The following ZNF44 variants were observed in gnomAD, a reference collection of about 807,000 sequenced individuals.
ZNF44 encodes zinc finger protein 44.
A neutral mutation model predicts 11.7 loss-of-function variants in ZNF44; 9 were observed. The observed-to-expected ratio is 0.77, with a 90% CI of 0.46 to 1.35. ZNF44 has a LOEUF of 1.35. Ranked by LOEUF, ZNF44 falls within the 40% of genes most tolerant of loss-of-function variation. ZNF44 has a pLI of 0.00. For synonymous variants in ZNF44, 224 were observed against 242.7 expected, an observed-to-expected ratio of 0.92 and a Z score of 0.72; for missense variants, 696 against 743.1, an observed-to-expected ratio of 0.94 and a Z score of 0.74.
intron 1 of ZNF44, chr19:12,284,437 G>T (rs563880227): frequency 1.6e-6 from 1 of 634,600 alleles, no homozygotes. Flanking sequence ...AGTGGCATCC[G>T]GGGCCGGGGC....
chr19:12,257,679 T>TA (rs1917316409), intron 5 of ZNF44, among the ~76,000 whole-genome samples: 1 of 148,224 alleles, frequency 6.7e-6, no homozygotes, highest in African/African-American at 2.5e-5. Flanking sequence ...CAGGTGCCTG[T>TA]AATCCCAGCT....
At chr19:12,250,414 A>G (rs1916942765) in intron 5 of ZNF44, 1 of 1,304,832 alleles carries the variant, frequency 7.7e-7, no homozygotes, top group African/African-American at 1.5e-5. Flanking sequence ...TGAGACTGAC[A>G]GCACTGGACA....
At chr19:12,281,893 T>C (rs149403822) in intron 1 of ZNF44, among the ~76,000 whole-genome samples, 86 of 152,256 alleles carry the variant, frequency 5.6e-4, no homozygotes, top group African/African-American at 2.0e-3. Context: ...ATAATAAATG[T>C]CCCAGAAAAA....
At chr19:12,255,733 G>A (rs570526944) in intron 5 of ZNF44, among the ~76,000 whole-genome samples, 1 of 152,218 alleles carries the variant, frequency 6.6e-6, no homozygotes, top group South Asian at 2.1e-4. Context: ...GCCACAAGAA[G>A]GGGGTGCTAA....
At chr19:12,236,789 A>G (rs1916406642) in intron 1 of ZNF44, among the ~76,000 whole-genome samples, 1 of 152,230 alleles carries the variant, frequency 6.6e-6, no homozygotes, top group South Asian at 2.1e-4. Flanking sequence ...CACAAGGTAT[A>G]ACACTTCACG....
intron 5 of ZNF44, among the ~76,000 whole-genome samples, chr19:12,259,061 C>T (rs949090513): frequency 1.3e-5 from 2 of 151,254 alleles, no homozygotes; most frequent in Admixed American, 6.6e-5. Context: ...TTTTTGTAGA[C>T]ACAGGGTCCC....
downstream of ZNF44, among the ~76,000 whole-genome samples, chr19:12,269,308 A>C (rs1465163712): frequency 6.6e-6 from 1 of 152,248 alleles, no homozygotes; most frequent in Non-Finnish European, 1.5e-5. Context: ...ATGGATCACA[A>C]GGTCAGGAGA....
At chr19:12,283,207 G>A (rs570514043) in intron 1 of ZNF44, among the ~76,000 whole-genome samples, 1 of 152,216 alleles carries the variant, frequency 6.6e-6, no homozygotes, top group South Asian at 2.1e-4. Context: ...CAAATCCCTG[G>A]AGACACACCA....
chr19:12,252,843 AG>A (rs1415870523), intron 5 of ZNF44, among the ~76,000 whole-genome samples: 1 of 151,794 alleles, frequency 6.6e-6, no homozygotes, highest in Non-Finnish European at 1.5e-5. Context: ...GTAATCTACA[AG>A]TAAACTACCT....
At chr19:12,294,039 CCGCCGGCTT>C in intron 1 of ZNF44, among the ~76,000 whole-genome samples, 1 of 151,346 alleles carries the variant, frequency 6.6e-6, no homozygotes, top group South Asian at 2.1e-4. Flanking sequence ...CAGACGCTGA[CCGCCGGCTT>C]CCCCATTGGC....
chr19:12,243,628 G>A (rs1157248599), downstream of ZNF44, among the ~76,000 whole-genome samples: 2 of 152,116 alleles, frequency 1.3e-5, no homozygotes, highest in Admixed American at 6.6e-5. Context: ...GAACATATGC[G>A]AGTGGCAGAT....
At chr19:12,250,422 A>G (rs1916943204) in intron 5 of ZNF44, 11 of 1,284,720 alleles carry the variant, frequency 8.6e-6, no homozygotes, top group Non-Finnish European at 1.1e-5. Flanking sequence ...ACAGCACTGG[A>G]CATCTATACT....
chr19:12,243,293 G>A (rs1916680223), downstream of ZNF44, among the ~76,000 whole-genome samples: 2 of 152,268 alleles, frequency 1.3e-5, no homozygotes, highest in Admixed American at 6.5e-5. Context: ...TCTCCAGAAC[G>A]TGTTCACCTT....
chr19:12,239,545 C>G (rs553055572), upstream of ZNF44, among the ~76,000 whole-genome samples: 2 of 148,650 alleles, frequency 1.3e-5, no homozygotes, highest in Non-Finnish European at 3.0e-5. Flanking sequence ...TGTGAGCCAC[C>G]GAGCAAGCCC....
At chr19:12,286,194 C>T (rs1022082167) in intron 1 of ZNF44, among the ~76,000 whole-genome samples, 1 of 152,172 alleles carries the variant, frequency 6.6e-6, no homozygotes. Flanking sequence ...CTTGATGTCT[C>T]TGAATCAAAT....
rs747771971 is a variant in ZNF44 at position 12,273,755 on chromosome 19, T to A, written c.500A>T (p.Lys167Ile). 1.1e-4 allele frequency: 172 copies of A among 1,614,060 alleles called. No individual in the cohort carries two copies. The highest frequency in any genetic ancestry group is 1.4e-4 in the Non-Finnish European group (168 of 1,180,028). Residue 167 changes from lysine (K) to isoleucine (I), a missense_variant, in exon 4 of 4, where the codon AAA (lysine) becomes ATA (isoleucine). Transcript: ENST00000355684. ...QTCERPHTGK[K>I]PYDCKECGKT... ...TCCACATTCCTTACAATCATAGGGTTTCTTTCCAGTGTGAGGCCTTTCACA... is the reference window on the plus strand; with the variant it reads ...TCCACATTCCTTACAATCATAGGGTATCTTTCCAGTGTGAGGCCTTTCACA...
At chr19:12,228,949 G>A (rs1286776470) in intron 3 of ZNF44, among the ~76,000 whole-genome samples, 1 of 152,160 alleles carries the variant, frequency 6.6e-6, no homozygotes, top group Non-Finnish European at 1.5e-5. Context: ...GAAATTGCTT[G>A]ATTAATAAAT....
At chr19:12,240,300 C>G (rs558041272), upstream of ZNF44, among the ~76,000 whole-genome samples, 3 of 151,836 alleles carry the variant, frequency 2.0e-5, no homozygotes, top group Non-Finnish European at 4.4e-5. Context: ...AAAAAATTAG[C>G]CGGGTGTGGT....
Position 12,286,186 on chromosome 19 carries a change from TG to T in ZNF44, c.3+8505del, listed in dbSNP as rs202219961. Among the ~76,000 whole-genome samples the T allele has an allele frequency of 1.4e-3, 213 of 152,346 alleles. 1 individual carries two copies. The East Asian group carries it at 0.028, about 20-fold the overall frequency. On this transcript the variant is annotated intron_variant, in intron 1 of 3. Transcript: ENST00000355684. ...TGTTTTTCCCCCGTTCATCCTTTCT[TG>T]ATGTCTCTGAATCAAATCAATATTC...
Sources: allele counts gnomAD v4.1 joint callset (sites outside exome capture counted in the v4.1 genomes callset), GRCh38; gene constraint gnomAD v4.1.1; transcripts MANE v1.5; gene names NCBI Gene and HGNC (gene_info 2026-07-23, HGNC 2026-07-21).